PCDHGB2: variants seen among roughly 807,000 people sequenced by gnomAD.
PCDHGB2 encodes protocadherin gamma-B2.
In PCDHGB2, 55 loss-of-function variants were observed where a neutral mutation model predicts 59.3. That is an observed-to-expected ratio of 0.93 (90% CI 0.75 to 1.16). The LOEUF is 1.16. Ranked by LOEUF, PCDHGB2 falls within the 50% of genes most tolerant of loss-of-function variation. The pLI, the probability that PCDHGB2 is intolerant of heterozygous loss-of-function variation, is 0.00. For synonymous variants in PCDHGB2, 516 were observed against 512.0 expected (o/e 1.01, Z -0.11); for missense variants, 1,228 against 1,198.5 (o/e 1.02, Z -0.36).
At chr5:141,471,590 T>C (rs2099260583) in intron 1 of PCDHGB2, 1 of 152,120 alleles carries the variant, frequency 6.6e-6, no homozygotes. Flanking sequence ...AAGTAATTGA[T>C]AGTTTCAAAA....
At chr5:141,497,284 A>G (rs1486878285) in intron 2 of PCDHGB2, among the ~76,000 whole-genome samples, 1 of 152,104 alleles carries the variant, frequency 6.6e-6, no homozygotes, top group South Asian at 2.1e-4. Context: ...TGTTCCCTCT[A>G]CCTACCACCA....
At chr5:141,494,922 C>T (rs1401836511) in intron 2 of PCDHGB2, 57 bp downstream of exon 2, 23 of 1,613,670 alleles carry the variant, frequency 1.4e-5, no homozygotes, top group Non-Finnish European at 1.9e-5. Flanking sequence ...TCAGGGATGA[C>T]GTGGGAGGAG....
At chr5:141,409,719 CAGTG>C (rs2095305881) in intron 1 of PCDHGB2, 2 of 1,613,090 alleles carry the variant, frequency 1.2e-6, no homozygotes, top group South Asian at 2.2e-5. Flanking sequence ...TCATACGTGT[CAGTG>C]AGCGCGCAGA....
At chr5:141,428,001 T>G (rs149531447) in intron 1 of PCDHGB2, 10 of 1,601,704 alleles carry the variant, frequency 6.2e-6, no homozygotes, top group Non-Finnish European at 8.5e-6. Flanking sequence ...CTCCGCACTC[T>G]TCGATATAGT....
At chr5:141,363,387 G>A (rs1302149411) in intron 1 of PCDHGB2, among the ~76,000 whole-genome samples, 2 of 151,916 alleles carry the variant, frequency 1.3e-5, no homozygotes, top group African/African-American at 4.8e-5. Flanking sequence ...TTCTATTTCT[G>A]TTGTCATATA....
chr5:141,371,477 G>A (rs1027262154), intron 1 of PCDHGB2: 3 of 1,613,854 alleles, frequency 1.9e-6, no homozygotes, highest in Non-Finnish European at 2.5e-6. Flanking sequence ...AAGATGCTGA[G>A]CTGGGGACTG....
Position 141,388,205 on chromosome 5 carries a change from G to T in PCDHGB2, c.2421+25649G>T, listed in dbSNP as rs2091277297. 6.3e-7 allele frequency: 1 copy of T among 1,578,264 alleles called. No homozygotes were observed. ...AGCCAGCTTGTGCTCTGGAATTTGA[G>T]GCTGTTGCTGAAAATCCACTGAACT... On this transcript the variant is annotated intron_variant, in intron 1 of 3. Transcript: ENST00000522605.
intron 1 of PCDHGB2, among the ~76,000 whole-genome samples, chr5:141,482,793 C>T (rs900216099): frequency 3.9e-5 from 5 of 128,974 alleles, no homozygotes; most frequent in Non-Finnish European, 8.1e-5. Flanking sequence ...TGTGTGTGGC[C>T]GGGTACGGTG....
At chr5:141,393,559 T>A (rs1349401032) in intron 1 of PCDHGB2, 1 of 1,613,814 alleles carries the variant, frequency 6.2e-7, no homozygotes, top group Non-Finnish European at 8.5e-7. Context: ...ATTTACCGAG[T>A]GAAAGTCCTT....
intron 3 of PCDHGB2, chr5:141,508,363 A>G (rs996562348): frequency 1.3e-5 from 2 of 152,230 alleles, no homozygotes; most frequent in Non-Finnish European, 2.9e-5. Flanking sequence ...TGGCAATCCA[A>G]CTTCTTCCCC....
chr5:141,389,264 C>T, intron 1 of PCDHGB2: 1 of 1,614,018 alleles, frequency 6.2e-7, no homozygotes, highest in South Asian at 1.1e-5. Flanking sequence ...TCCACGTGGC[C>T]GAGAACAACC....
intron 1 of PCDHGB2, among the ~76,000 whole-genome samples, chr5:141,452,284 C>G (rs1182155879): frequency 6.6e-6 from 1 of 152,112 alleles, no homozygotes; most frequent in Non-Finnish European, 1.5e-5. Context: ...TTCTTACTTT[C>G]TGATATAAGA....
intron 1 of PCDHGB2, chr5:141,403,588 C>CGGTG (rs773103981): frequency 1.2e-6 from 2 of 1,613,904 alleles, no homozygotes; most frequent in East Asian, 2.2e-5. Flanking sequence ...ACCTGGTCCT[C>CGGTG]ACGGCCTCGG....
chr5:141,384,485 A>G (rs1410076707), intron 1 of PCDHGB2: 1 of 1,614,130 alleles, frequency 6.2e-7, no homozygotes, highest in Non-Finnish European at 8.5e-7. Context: ...AGAGAACTAC[A>G]ACTAAGAGTG....
Position 141,423,666 on chromosome 5 carries a change from AT to A in PCDHGB2, c.2421+61113del, listed in dbSNP as rs1184681047. 2.7e-6 allele frequency: 4 copies of A among 1,494,382 alleles called. No individual in the cohort carries two copies. The South Asian group carries it at 5.0e-5, about 19-fold the overall frequency. The allele number at this position is 1,494,382 out of a possible 1,614,324, so 92.6% of individuals were successfully genotyped here. A position where few individuals can be genotyped will look rare whatever the true frequency, so the allele number is the denominator to read the frequency against. ...GTGACCCGACAAGTAATCAGGTGAGATTTATTTCTCTGCCTCCTAATTGTTG... is the reference window on the plus strand; with the variant it reads ...GTGACCCGACAAGTAATCAGGTGAGATTATTTCTCTGCCTCCTAATTGTTG... On this transcript the variant is annotated intron_variant, in intron 1 of 3. Coordinates refer to ENST00000522605, the MANE Select transcript of PCDHGB2 (RefSeq NM_018923.3).
At position 141,414,606 on chromosome 5, in the gene PCDHGB2, A is replaced by G. The variant is rs760846889; in HGVS notation, c.2421+52050A>G. ...ACGCCAGGGGTGCCTCCATCTTCTCAGTGACAGCGCTGGACCCGGACAGCA... is the reference window on the plus strand; with the variant it reads ...ACGCCAGGGGTGCCTCCATCTTCTCGGTGACAGCGCTGGACCCGGACAGCA... On this transcript the variant is annotated intron_variant, in intron 1 of 3. Coordinates refer to ENST00000522605, the MANE Select transcript of PCDHGB2 (RefSeq NM_018923.3). The G allele has an allele frequency of 1.6e-5, 26 of 1,613,826 alleles. No homozygotes were observed. In the East Asian group the frequency reaches 5.6e-4, roughly 35 times the overall value.
rs548823035 is a variant in PCDHGB2 at position 141,499,447 on chromosome 5, C to T, written c.2480+4582C>T. ...AGAAAAAAAATTAAAAGGAAAACCA[C>T]CCATCATTTTACAATCTAGGGAGAA... On this transcript the variant is annotated intron_variant, in intron 2 of 3. Transcript: ENST00000522605. Among the ~76,000 whole-genome samples the T allele has an allele frequency of 3.8e-4, 58 of 152,250 alleles. 1 individual carries two copies. In the East Asian group the frequency reaches 9.1e-3, roughly 24 times the overall value.
Position 141,394,937 on chromosome 5 carries a change from C to T in PCDHGB2, c.2421+32381C>T, listed in dbSNP as rs1224179687. 4.3e-6 allele frequency: 7 copies of T among 1,613,688 alleles called. No individual in the cohort carries two copies. In the East Asian group the frequency reaches 8.9e-5, roughly 21 times the overall value. ...TCTCCTGTGTCTTCCTCGCCTTTGT[C>T]GCTGTGCTTCTGGGGCTCAGGCTGA... On this transcript the variant is annotated intron_variant, in intron 1 of 3. Transcript: ENST00000522605.
In PCDHGB2 at chr5:141,372,747, G is replaced by A; in HGVS notation, c.2421+10191G>A. ...ACCACAAGATCTTCTATGTGATGAA[G>A]CCTCTTGGTTTGAAAGTAATGACAA... On this transcript the variant is annotated intron_variant, in intron 1 of 3. Transcript: ENST00000522605. The A allele has an allele frequency of 2.5e-6, 4 of 1,613,418 alleles. 1 individual carries two copies. Among genetic ancestry groups the A allele is most frequent in the East Asian group, 4.5e-5 (2 of 44,880 alleles).
Sources: allele counts gnomAD v4.1 joint callset (sites outside exome capture counted in the v4.1 genomes callset), GRCh38; gene constraint gnomAD v4.1.1; transcripts MANE v1.5; gene names NCBI Gene and HGNC (gene_info 2026-07-23, HGNC 2026-07-21).